Variants in WDFY2 observed in about 807,000 individuals in gnomAD.
WDFY2 encodes the protein WD repeat and FYVE domain-containing protein 2.
In WDFY2, 36 loss-of-function variants were observed where a neutral mutation model predicts 56.4. The observed-to-expected ratio is 0.64, with a 90% CI of 0.49 to 0.84. The LOEUF (loss-of-function observed/expected upper bound fraction) is 0.84. Ranked by LOEUF, WDFY2 falls within the 40% of genes least tolerant of loss-of-function variation. WDFY2 has a pLI of 0.00. For synonymous variants in WDFY2, 176 were observed against 183.7 expected (o/e 0.96, Z 0.34); for missense variants, 444 against 512.2 (o/e 0.87, Z 1.29).
chr13:51,717,504 G>A (rs1013552224), intron 4 of WDFY2, among the ~76,000 whole-genome samples: 1 of 151,962 alleles, frequency 6.6e-6, no homozygotes, highest in Non-Finnish European at 1.5e-5. Flanking sequence ...TAGGGCTACT[G>A]TCATCCCCTT....
At chr13:51,744,075 G>T (rs1953037815) in intron 7 of WDFY2, among the ~76,000 whole-genome samples, 1 of 152,170 alleles carries the variant, frequency 6.6e-6, no homozygotes, top group South Asian at 2.1e-4. Context: ...TCCCTTTTAC[G>T]GTGCTTTGGC....
chr13:51,751,296 G>A lies in WDFY2; in HGVS notation c.726-14G>A. 9 of 1,610,344 alleles carry A rather than the reference G, an allele frequency of 5.6e-6. No individual in the cohort carries two copies. The highest frequency in any genetic ancestry group is 7.6e-6 in the Non-Finnish European group (9 of 1,178,454). On this transcript the variant is annotated splice_polypyrimidine_tract_variant and intron_variant, in intron 7 of 11. Transcript: ENST00000298125. ...TTCTCCTAAACTGTCAATAACCCTT[G>A]GTTTCTTTCACAGCGACAGAGTCCA... is the stretch of plus-strand genomic sequence containing the variant.
intron 1 of WDFY2, among the ~76,000 whole-genome samples, chr13:51,641,825 CAAAAAAA>C (rs750489541): frequency 0.03 from 1,124 of 37,280 alleles, 3 homozygotes; most frequent in African/African-American, 0.088. Flanking sequence ...GACTCCGTCT[CAAAAAAA>C]AAAAAAAAAA....
At chr13:51,701,208 A>G (rs918311169) in intron 3 of WDFY2, among the ~76,000 whole-genome samples, 1 of 152,060 alleles carries the variant, frequency 6.6e-6, no homozygotes, top group East Asian at 1.9e-4. Flanking sequence ...AGAGTAGTAT[A>G]TTGTGTTTCT....
intron 1 of WDFY2, among the ~76,000 whole-genome samples, chr13:51,596,131 T>C (rs1954139650): frequency 6.6e-6 from 1 of 152,226 alleles, no homozygotes; most frequent in South Asian, 2.1e-4. Flanking sequence ...GAATGGCTAA[T>C]TCATTTCATT....
chr13:51,695,392 C>T lies in WDFY2; in HGVS notation c.280-8204C>T, dbSNP rs966122207. Among the ~76,000 whole-genome samples, 9 of 152,100 alleles carry T rather than the reference C, an allele frequency of 5.9e-5. No homozygotes were observed. In the South Asian group the frequency reaches 1.7e-3, roughly 28 times the overall value. On this transcript the variant is annotated intron_variant, in intron 3 of 11. Transcript: ENST00000298125. ...ATGTCCTTTCTGTTTGTTAGTTTTC[C>T]TTGTAACAGACAGGACCCTCAGCTG...
chr13:51,719,393 T>C (rs1952438647), intron 5 of WDFY2, 45 bp downstream of exon 5: 2 of 1,520,014 alleles, frequency 1.3e-6, no homozygotes, highest in African/African-American at 2.8e-5. Flanking sequence ...ACTTAACTGT[T>C]GTTCTCTTTG....
At chr13:51,752,182 C>T (rs1953252983) in intron 8 of WDFY2, among the ~76,000 whole-genome samples, 1 of 152,196 alleles carries the variant, frequency 6.6e-6, no homozygotes, top group South Asian at 2.1e-4. Flanking sequence ...ACCCCAGTCT[C>T]ATTTCAAGAG....
intron 7 of WDFY2, among the ~76,000 whole-genome samples, chr13:51,739,417 GAATA>G (rs1485751763): frequency 6.6e-6 from 1 of 151,282 alleles, no homozygotes; most frequent in Non-Finnish European, 1.5e-5. Context: ...TAATGGCAGT[GAATA>G]AATAAAAGGT....
At position 51,739,892 on chromosome 13, in the gene WDFY2, C is replaced by G. The variant is rs184709160; in HGVS notation, c.725+717C>G. Among the ~76,000 whole-genome samples the G allele has an allele frequency of 1.4e-4, 21 of 152,310 alleles. No individual in the cohort carries two copies. In the East Asian group the frequency reaches 3.9e-3, roughly 28 times the overall value. On this transcript the variant is annotated intron_variant, in intron 7 of 11. Coordinates refer to ENST00000298125, the MANE Select transcript of WDFY2 (RefSeq NM_052950.4). ...CCCACACCCTGAGACGCCTTGCTGT[C>G]CCTGGGGCCAAAGCTTAATCTTTTT...
rs1401970249 is a variant in WDFY2 at position 51,703,664 on chromosome 13, G to A, written c.334+14G>A. ...AAAACTATCAAGGTAGGGAGTGAGA[G>A]GAGTACCTTCATTACCCAGATTCTA... On this transcript the variant is annotated intron_variant, in intron 4 of 11. Transcript: ENST00000298125. 5.6e-6 allele frequency: 9 copies of A among 1,599,464 alleles called. No homozygotes were observed. The highest frequency in any genetic ancestry group is 5.2e-5 in the Admixed American group (3 of 58,054).
chr13:51,601,692 T>C (rs964762254), intron 1 of WDFY2, among the ~76,000 whole-genome samples: 2 of 152,146 alleles, frequency 1.3e-5, no homozygotes, highest in African/African-American at 4.8e-5. Context: ...TTTACTGTCA[T>C]TTTAAAGATG....
chr13:51,619,309 A>G (rs968294781), intron 1 of WDFY2, among the ~76,000 whole-genome samples: 2 of 151,986 alleles, frequency 1.3e-5, no homozygotes, highest in African/African-American at 4.8e-5. Flanking sequence ...CAACAACAAC[A>G]AAAAATTAGC....
At chr13:51,618,305 G>C (rs1002855729) in intron 1 of WDFY2, among the ~76,000 whole-genome samples, 1 of 152,146 alleles carries the variant, frequency 6.6e-6, no homozygotes, top group African/African-American at 2.4e-5. Flanking sequence ...CTCACAGATG[G>C]CCTCATTTCT....
chr13:51,665,306 A>G (rs1955679833), intron 2 of WDFY2, among the ~76,000 whole-genome samples: 1 of 152,248 alleles, frequency 6.6e-6, no homozygotes, highest in Non-Finnish European at 1.5e-5. Context: ...CTGTGACAGT[A>G]TCAACTTAAA....
At chr13:51,700,415 G>T (rs1951958027) in intron 3 of WDFY2, among the ~76,000 whole-genome samples, 1 of 152,104 alleles carries the variant, frequency 6.6e-6, no homozygotes. Context: ...ACTTTGGTTG[G>T]TCAATCCTAA....
In WDFY2 at chr13:51,620,933, G is replaced by C. The variant is rs112632562; in HGVS notation, c.137+36109G>C. Among the ~76,000 whole-genome samples, 92 of 152,162 alleles carry C rather than the reference G, an allele frequency of 6.0e-4. No individual in the cohort carries two copies. The Middle Eastern group carries it at 0.024, about 39-fold the overall frequency. On this transcript the variant is annotated intron_variant, in intron 1 of 11. Transcript: ENST00000298125. ...TATCTCCCGTTTTCCTCTGTTCCAG[G>C]CTTTCCCTCTGTCCTCATCCTGTCA...
At chr13:51,681,402 G>A (rs1466086686) in intron 3 of WDFY2, among the ~76,000 whole-genome samples, 1 of 152,188 alleles carries the variant, frequency 6.6e-6, no homozygotes, top group African/African-American at 2.4e-5. Flanking sequence ...TGAATTTGAA[G>A]AAAATTTCAG....
chr13:51,730,019 T>C (rs769617169), intron 6 of WDFY2, among the ~76,000 whole-genome samples: 1 of 152,172 alleles, frequency 6.6e-6, no homozygotes, highest in Non-Finnish European at 1.5e-5. Context: ...AAACTGTTAC[T>C]CTGCTTTCTG....
Sources: gnomAD v4.1 joint callset for allele counts (sites outside exome capture counted in the v4.1 genomes callset) on GRCh38, gnomAD v4.1.1 for gene constraint, MANE v1.5 for transcripts, NCBI Gene and HGNC (gene_info 2026-07-23, HGNC 2026-07-21) for gene names.